TRIO: variants seen among roughly 807,000 people sequenced by gnomAD.
TRIO encodes the protein trio Rho guanine nucleotide exchange factor.
Under a neutral mutation model 351.9 loss-of-function variants are expected in TRIO, and 58 were observed. That is an observed-to-expected ratio of 0.16 (90% CI 0.13 to 0.21). TRIO has a LOEUF of 0.21. Ranked by LOEUF, TRIO falls within the 10% of genes least tolerant of loss-of-function variation. The pLI is 1.00. For missense variants in TRIO, 3,201 were observed against 4,027.8 expected (o/e 0.79, Z 5.56); for synonymous variants, 1,758 against 1,595.7 (o/e 1.10, Z -2.42).
intron 2 of TRIO, among the ~76,000 whole-genome samples, chr5:14,279,357 G>A (rs899869103): frequency 6.6e-6 from 1 of 151,372 alleles, no homozygotes; most frequent in African/African-American, 2.4e-5. Context: ...AATCTTCTGG[G>A]TTTTTTTTTA....
chr5:14,309,124 T>C (rs1308933988), intron 8 of TRIO, among the ~76,000 whole-genome samples: 1 of 124,798 alleles, frequency 8.0e-6, no homozygotes, highest in Admixed American at 1.0e-4. Flanking sequence ...CACATCCATA[T>C]AAAATTACTG....
intron 1 of TRIO, among the ~76,000 whole-genome samples, chr5:14,166,337 C>A (rs949128617): frequency 6.6e-6 from 1 of 152,236 alleles, no homozygotes; most frequent in Non-Finnish European, 1.5e-5. Flanking sequence ...AATTCTCTTA[C>A]TGCTTGATCC....
chr5:14,445,663 T>C (rs1752383652), intron 34 of TRIO, among the ~76,000 whole-genome samples: 1 of 152,168 alleles, frequency 6.6e-6, no homozygotes, highest in East Asian at 1.9e-4. Flanking sequence ...TATTCTTCTG[T>C]CTAAGGATAC....
chr5:14,316,503 T>C lies in TRIO; in HGVS notation c.1501-10T>C, dbSNP rs761331254. On this transcript the variant is annotated splice_polypyrimidine_tract_variant and intron_variant, in intron 8 of 56. Coordinates refer to ENST00000344204, the MANE Select transcript of TRIO (RefSeq NM_007118.4). ...GATCGTGAAGAATCACTCATTTCTT[T>C]TGTGGGCAGGTCAGCCAAGATGGGA... The C allele has an allele frequency of 1.2e-6, 2 of 1,613,508 alleles. No homozygotes were observed. Among genetic ancestry groups the C allele is most frequent in the Non-Finnish European group, 1.7e-6 (2 of 1,179,850 alleles).
intron 1 of TRIO, among the ~76,000 whole-genome samples, chr5:14,269,162 C>G (rs1194904407): frequency 6.6e-6 from 1 of 152,202 alleles, no homozygotes; most frequent in Non-Finnish European, 1.5e-5. Flanking sequence ...ACCTCATGGT[C>G]CTCAGCCGGA....
At position 14,201,411 on chromosome 5, in the gene TRIO, AAC is replaced by A. The variant is rs59003693; in HGVS notation, c.157+57534_157+57535del. On this transcript the variant is annotated intron_variant, in intron 1 of 56. Transcript: ENST00000344204. ...ATAGCAGCTTTTTAAAAAAAATTAA[AAC>A]ACACTTTTAAGTAGGAATTCCAACA... 5.9e-5 allele frequency among the ~76,000 whole-genome samples: 9 copies of A among 152,370 alleles called. No individual in the cohort carries two copies. The East Asian group carries it at 1.7e-3, about 29-fold the overall frequency.
chr5:14,447,668 C>T (rs1421259653), intron 34 of TRIO, among the ~76,000 whole-genome samples: 1 of 152,144 alleles, frequency 6.6e-6, no homozygotes, highest in Non-Finnish European at 1.5e-5. Context: ...AACAAAGCAG[C>T]CAAAGTGATT....
chr5:14,321,558 C>A (rs1044557112), intron 9 of TRIO, among the ~76,000 whole-genome samples: 7 of 152,352 alleles, frequency 4.6e-5, no homozygotes, highest in African/African-American at 1.7e-4. Flanking sequence ...CCCATTTCAC[C>A]TCATAGAGTT....
chr5:14,351,431 G>C lies in TRIO; in HGVS notation c.2047-6747G>C, dbSNP rs150357012. On this transcript the variant is annotated intron_variant, in intron 11 of 56. Coordinates refer to ENST00000344204, the MANE Select transcript of TRIO (RefSeq NM_007118.4). The stretch of plus-strand genomic sequence containing the variant: ...CTGCTTCTGACTTGCAGCAGCTCTG[G>C]GAAGCTGTGGCTTTCATACTTCCCC... Among the ~76,000 whole-genome samples, 272 of 152,260 alleles carry C rather than the reference G, an allele frequency of 1.8e-3. 2 individuals carry two copies. The highest frequency in any genetic ancestry group is 5.9e-3 in the African/African-American group (246 of 41,538).
At chr5:14,380,320 GCGCCCCGC>G (rs1276373839) in intron 20 of TRIO, among the ~76,000 whole-genome samples, 8 of 124,262 alleles carry the variant, frequency 6.4e-5, no homozygotes, top group Admixed American at 1.5e-4. Flanking sequence ...CTCCTCCTTC[GCGCCCCGC>G]CTCCTCCTTC....
Position 14,177,197 on chromosome 5 carries a change from T to G in TRIO, c.157+33315T>G, listed in dbSNP as rs189998275. Among the ~76,000 whole-genome samples the G allele has an allele frequency of 1.2e-4, 18 of 152,276 alleles. No homozygotes were observed. In the East Asian group the frequency reaches 3.5e-3, roughly 29 times the overall value. ...ATTCACTTGAGTGTTGAAAACAGAT[T>G]ATTATTTATGTTATATACGTGAGAA... On this transcript the variant is annotated intron_variant, in intron 1 of 56. Coordinates refer to ENST00000344204, the MANE Select transcript of TRIO (RefSeq NM_007118.4).
In TRIO at chr5:14,308,319, ACCACCCATCCATCCAT is replaced by A. The variant is rs143499561; in HGVS notation, c.1500+3735_1500+3750del. 4.4e-3 allele frequency among the ~76,000 whole-genome samples: 579 copies of A among 130,822 alleles called. 5 individuals are homozygous for A. Among genetic ancestry groups the A allele is most frequent in the South Asian group, 0.026 (115 of 4,374 alleles). 85.8% of individuals were successfully genotyped at this position (130,822 alleles called of 152,430 possible). A position where few individuals can be genotyped will look rare whatever the true frequency, so the allele number is the denominator to read the frequency against. ...ACCCATCCATCTACCCAATCACCCA[ACCACCCATCCATCCAT>A]CCACCCACCCACCCACGCACCCAAC... On this transcript the variant is annotated intron_variant, in intron 8 of 56. Coordinates refer to ENST00000344204, the MANE Select transcript of TRIO (RefSeq NM_007118.4).
intron 7 of TRIO, among the ~76,000 whole-genome samples, chr5:14,299,065 C>T (rs765012991): frequency 1.3e-5 from 2 of 152,136 alleles, no homozygotes; most frequent in Non-Finnish European, 2.9e-5. Context: ...TGATGAGATT[C>T]AGAATTGTAA....
intron 9 of TRIO, among the ~76,000 whole-genome samples, chr5:14,326,609 C>T (rs188717610): frequency 1.3e-5 from 2 of 152,302 alleles, no homozygotes. Flanking sequence ...TGTTTTTCAT[C>T]TGGAAGGGAA....
chr5:14,223,454 T>C (rs1792777900), intron 1 of TRIO, among the ~76,000 whole-genome samples: 1 of 152,162 alleles, frequency 6.6e-6, no homozygotes, highest in South Asian at 2.1e-4. Context: ...TGGTGTAAGT[T>C]GCATCACAGC....
intron 1 of TRIO, among the ~76,000 whole-genome samples, chr5:14,168,091 T>C (rs1004537592): frequency 6.6e-6 from 1 of 152,190 alleles, no homozygotes; most frequent in African/African-American, 2.4e-5. Context: ...TCTGGCAGGA[T>C]CCCTGGAAAA....
At chr5:14,481,665 T>C (rs766404575) in intron 45 of TRIO, 47 bp downstream of exon 45, 1 of 1,595,946 alleles carries the variant, frequency 6.3e-7, no homozygotes, top group South Asian at 1.1e-5. Context: ...CCTTCATCTC[T>C]TTCTTTTGTC....
rs900820621 is a variant in TRIO at position 14,231,618 on chromosome 5, C to T, written c.158-39207C>T. 2.0e-5 allele frequency among the ~76,000 whole-genome samples: 3 copies of T among 152,140 alleles called. No homozygotes were observed. In the South Asian group the frequency reaches 6.2e-4, roughly 32 times the overall value. On this transcript the variant is annotated intron_variant, in intron 1 of 56. Transcript: ENST00000344204. Reference sequence around the variant, plus strand: ...CTTCTCTGCCTTGGAAGCATAGAGTCGTTTCTCAGCCTCATTCTCACCTTT... The same window carrying T: ...CTTCTCTGCCTTGGAAGCATAGAGTTGTTTCTCAGCCTCATTCTCACCTTT...
At chr5:14,445,730 C>T (rs1366100663) in intron 34 of TRIO, among the ~76,000 whole-genome samples, 1 of 152,232 alleles carries the variant, frequency 6.6e-6, no homozygotes, top group Non-Finnish European at 1.5e-5. Context: ...CTTCCCCTTC[C>T]TCTTTTATCC....
Sources: allele counts gnomAD v4.1 joint callset (sites outside exome capture counted in the v4.1 genomes callset), GRCh38; gene constraint gnomAD v4.1.1; transcripts MANE v1.5; gene names NCBI Gene and HGNC (gene_info 2026-07-23, HGNC 2026-07-21).